Variants in SLC8A1 observed in about 807,000 individuals in gnomAD.
SLC8A1 encodes the protein solute carrier family 8 member A1.
SLC8A1 carries 18 observed loss-of-function variants against 68.3 expected under a neutral mutation model. The observed-to-expected ratio is 0.26, with a 90% CI of 0.18 to 0.39. The LOEUF is 0.39. Ranked by LOEUF, SLC8A1 falls within the 10% of genes least tolerant of loss-of-function variation. The pLI is 1.00. For missense variants in SLC8A1, 985 were observed against 1,156.7 expected, an observed-to-expected ratio of 0.85 and a Z score of 2.15; for synonymous variants, 475 against 415.5, an observed-to-expected ratio of 1.14 and a Z score of -1.74.
intron 1 of SLC8A1, among the ~76,000 whole-genome samples, chr2:40,491,634 C>T (rs1418862210): frequency 6.6e-6 from 1 of 152,004 alleles, no homozygotes; most frequent in Non-Finnish European, 1.5e-5. Flanking sequence ...CAATAGATAG[C>T]TCTTACTGAG....
chr2:40,345,687 A>G (rs1669027809), intron 2 of SLC8A1, among the ~76,000 whole-genome samples: 1 of 152,136 alleles, frequency 6.6e-6, no homozygotes, highest in African/African-American at 2.4e-5. Context: ...AGTTCATGCC[A>G]TTTGCAGGGA....
chr2:40,208,855 A>G (rs2056014048), intron 2 of SLC8A1, among the ~76,000 whole-genome samples: 1 of 152,172 alleles, frequency 6.6e-6, no homozygotes, highest in African/African-American at 2.4e-5. Flanking sequence ...AACACTGAGC[A>G]CCAATAAATG....
intron 2 of SLC8A1, among the ~76,000 whole-genome samples, chr2:40,354,126 C>T (rs1671971220): frequency 6.6e-6 from 1 of 152,182 alleles, no homozygotes; most frequent in Admixed American, 6.5e-5. Flanking sequence ...GATCTCCCTC[C>T]ATATGCGCTA....
intron 2 of SLC8A1, among the ~76,000 whole-genome samples, chr2:40,318,015 G>C (rs1218885868): frequency 6.6e-6 from 1 of 152,022 alleles, no homozygotes; most frequent in African/African-American, 2.4e-5. Flanking sequence ...TGTATAACAA[G>C]AGACCAGTGC....
chr2:40,440,446 A>T (rs1221452920), intron 1 of SLC8A1, among the ~76,000 whole-genome samples: 2 of 152,216 alleles, frequency 1.3e-5, no homozygotes, highest in African/African-American at 2.4e-5. Flanking sequence ...AATTATTTTC[A>T]TCAATATCAA....
intron 2 of SLC8A1, among the ~76,000 whole-genome samples, chr2:40,396,620 T>C (rs1037090545): frequency 1.3e-5 from 2 of 151,776 alleles, no homozygotes; most frequent in African/African-American, 4.8e-5. Flanking sequence ...TGTTGAGAAG[T>C]ACCTTATTAA....
In SLC8A1 at chr2:40,150,268, A is replaced by T. The variant is rs187208786; in HGVS notation, c.2161+10497T>A. 1.9e-4 allele frequency among the ~76,000 whole-genome samples: 29 copies of T among 152,302 alleles called. No homozygotes were observed. The East Asian group carries it at 4.3e-3, about 22-fold the overall frequency. ...GCTTTTCATTGCAGGAGTTGGAAAG[A>T]CAAGGTCTTTATCAAGAGAGCAGGC... On this transcript the variant is annotated intron_variant, in intron 6 of 7. Transcript: ENST00000406785.
At chr2:40,233,148 G>C (rs1317394707) in intron 2 of SLC8A1, among the ~76,000 whole-genome samples, 1 of 152,088 alleles carries the variant, frequency 6.6e-6, no homozygotes, top group East Asian at 1.9e-4. Flanking sequence ...GGTGTTTCCA[G>C]TTCTAGATCC....
intron 2 of SLC8A1, among the ~76,000 whole-genome samples, chr2:40,303,215 G>C (rs1408911253): frequency 1.3e-5 from 2 of 152,154 alleles, no homozygotes; most frequent in Admixed American, 1.3e-4. Flanking sequence ...TCTAGGTTTT[G>C]AAGTCCCTCA....
intron 1 of SLC8A1, among the ~76,000 whole-genome samples, chr2:40,467,255 A>G (rs532083782): frequency 2.0e-4 from 30 of 152,182 alleles, no homozygotes; most frequent in Non-Finnish European, 3.8e-4. Flanking sequence ...CAAGCTGCCT[A>G]TCTGAAAATG....
chr2:40,263,521 C>G (rs2064973016), intron 2 of SLC8A1, among the ~76,000 whole-genome samples: 1 of 152,116 alleles, frequency 6.6e-6, no homozygotes, highest in Non-Finnish European at 1.5e-5. Context: ...ACCAATGGAA[C>G]AGAACAGAGC....
At chr2:40,454,110 T>G (rs935434460), upstream of SLC8A1, among the ~76,000 whole-genome samples, 5 of 152,154 alleles carry the variant, frequency 3.3e-5, no homozygotes, top group African/African-American at 1.2e-4. Context: ...CAAAAATTAC[T>G]TAGAGTCCCT....
At chr2:40,143,466 T>C (rs1270696260) in intron 6 of SLC8A1, among the ~76,000 whole-genome samples, 1 of 152,136 alleles carries the variant, frequency 6.6e-6, no homozygotes, top group African/African-American at 2.4e-5. Context: ...GGTTGGTGGG[T>C]TTGCTTTTAT....
At chr2:40,270,438 G>A (rs189782371) in intron 2 of SLC8A1, among the ~76,000 whole-genome samples, 16 of 152,274 alleles carry the variant, frequency 1.1e-4, no homozygotes, top group Admixed American at 9.1e-4. Context: ...GTTCCTTTTC[G>A]GACAATCTAG....
chr2:40,451,914 G>A (rs1702588605), exon 1 of SLC8A1: 1 of 152,216 alleles, frequency 6.6e-6, no homozygotes, highest in South Asian at 2.1e-4. Context: ...CTGGTTTGGG[G>A]AGTGTGAATG....
At chr2:40,295,592 G>A (rs942525698) in intron 2 of SLC8A1, among the ~76,000 whole-genome samples, 2 of 152,222 alleles carry the variant, frequency 1.3e-5, no homozygotes, top group Admixed American at 6.5e-5. Flanking sequence ...AGTCATTTAT[G>A]TGCCAGATGC....
intron 1 of SLC8A1, among the ~76,000 whole-genome samples, chr2:40,495,975 C>A (rs1385204487): frequency 6.6e-6 from 1 of 152,092 alleles, no homozygotes; most frequent in African/African-American, 2.4e-5. Context: ...AATCATTTAT[C>A]TATCGGTCTA....
intron 2 of SLC8A1, among the ~76,000 whole-genome samples, chr2:40,356,480 T>A (rs1050137830): frequency 7.9e-5 from 12 of 152,110 alleles, no homozygotes; most frequent in Admixed American, 7.9e-4. Flanking sequence ...TATTTTTGAA[T>A]TATAAACACA....
At chr2:40,460,911 T>C (rs1250504448) in intron 1 of SLC8A1, among the ~76,000 whole-genome samples, 3 of 152,132 alleles carry the variant, frequency 2.0e-5, no homozygotes, top group Non-Finnish European at 4.4e-5. Context: ...TGGCCGGATA[T>C]GTACTTTATG....
Sources: gnomAD v4.1 joint callset for allele counts (sites outside exome capture counted in the v4.1 genomes callset) on GRCh38, gnomAD v4.1.1 for gene constraint, MANE v1.5 for transcripts, NCBI Gene and HGNC (gene_info 2026-07-23, HGNC 2026-07-21) for gene names.